The following TNKS variants were observed in gnomAD, a reference collection of about 807,000 sequenced individuals.
The protein encoded by TNKS is tankyrase, also known as poly [ADP-ribose] polymerase tankyrase-1.
In TNKS, 72 loss-of-function variants were observed where a neutral mutation model predicts 135.8. That is an observed-to-expected ratio of 0.53 (90% confidence interval 0.44 to 0.64). The LOEUF (loss-of-function observed/expected upper bound fraction) is 0.64, where lower values mean the gene tolerates loss of function less well. TNKS is among the 30% of genes least tolerant of loss of function. The pLI, the probability that TNKS is intolerant of heterozygous loss-of-function variation, is 0.00. For synonymous variants in TNKS, 849 were observed against 649.3 expected (o/e 1.31, Z -4.68); for missense variants, 1,769 against 1,674.0 (o/e 1.06, Z -0.99).
intron 3 of TNKS, among the ~76,000 whole-genome samples, chr8:9,618,402 A>G (rs1008674927): frequency 6.6e-6 from 1 of 152,230 alleles, no homozygotes. Flanking sequence ...ACACTTGGAT[A>G]TTTAAATGAG....
rs180817995 is a variant in TNKS at position 9,683,298 on chromosome 8, A to G, written c.1107+2498A>G. Among the ~76,000 whole-genome samples, 606 of 152,158 alleles carry G rather than the reference A, an allele frequency of 4.0e-3. 6 individuals are homozygous for G. The highest frequency in any genetic ancestry group is 0.014 in the African/African-American group (577 of 41,568). ...GAAAACAAATCTAGCTGCTAAAATT[A>G]CAAGTATCTGTCCTAGTAGATATGT... On this transcript the variant is annotated intron_variant, in intron 5 of 26. Transcript: ENST00000310430.
chr8:9,684,542 G>A (rs1357593599), intron 5 of TNKS, among the ~76,000 whole-genome samples: 1 of 152,038 alleles, frequency 6.6e-6, no homozygotes, highest in African/African-American at 2.4e-5. Context: ...ATAGGCAATA[G>A]GTAGGGGTTA....
intron 25 of TNKS, among the ~76,000 whole-genome samples, chr8:9,768,468 AG>A (rs1807599272): frequency 6.6e-6 from 1 of 152,218 alleles, no homozygotes; most frequent in East Asian, 1.9e-4. Flanking sequence ...ATTTGCCACC[AG>A]GGCTAATTGG....
At chr8:9,589,937 T>C (rs1798530297) in intron 2 of TNKS, among the ~76,000 whole-genome samples, 1 of 152,156 alleles carries the variant, frequency 6.6e-6, no homozygotes, top group African/African-American at 2.4e-5. Context: ...ACCCAACACG[T>C]CTCCTCTGTT....
At chr8:9,575,203 C>T in intron 1 of TNKS, 1 of 576,008 alleles carries the variant, frequency 1.7e-6, no homozygotes, top group African/African-American at 2.0e-5. Context: ...TCTCCTGCCT[C>T]AGCCTCCGGA....
chr8:9,598,525 A>G (rs1473501355), intron 2 of TNKS, among the ~76,000 whole-genome samples: 1 of 151,620 alleles, frequency 6.6e-6, no homozygotes, highest in Non-Finnish European at 1.5e-5. Context: ...GAGAAACTCC[A>G]TCTTTACTAA....
intron 2 of TNKS, among the ~76,000 whole-genome samples, chr8:9,611,356 C>G (rs1799456100): frequency 6.6e-6 from 1 of 152,114 alleles, no homozygotes; most frequent in East Asian, 1.9e-4. Flanking sequence ...TTCTTTCAAA[C>G]CTTACTTTGT....
intron 26 of TNKS, among the ~76,000 whole-genome samples, chr8:9,771,234 CGAGGAAAGGAGG>C (rs1807817914): frequency 3.2e-5 from 2 of 63,424 alleles, no homozygotes; most frequent in African/African-American, 1.3e-4. Flanking sequence ...AGGGAGAGAG[CGAGGAAAGGAGG>C]GAGGGAGGAA....
At chr8:9,692,809 T>G (rs946255095) in intron 5 of TNKS, among the ~76,000 whole-genome samples, 1 of 152,244 alleles carries the variant, frequency 6.6e-6, no homozygotes, top group Non-Finnish European at 1.5e-5. Context: ...GTTAAGTAAC[T>G]TCAATGAGAG....
At chr8:9,688,974 C>T (rs1257281914) in intron 5 of TNKS, among the ~76,000 whole-genome samples, 1 of 152,114 alleles carries the variant, frequency 6.6e-6, no homozygotes, top group East Asian at 1.9e-4. Context: ...CTTAGAAGGG[C>T]ACTAATCTTA....
chr8:9,598,557 A>G (rs930329235), intron 2 of TNKS, among the ~76,000 whole-genome samples: 25 of 151,002 alleles, frequency 1.7e-4, no homozygotes, highest in African/African-American at 6.1e-4. Flanking sequence ...TTAGCTGGGC[A>G]TGGTGGTGCA....
chr8:9,779,052 TAAGG>T lies in TNKS; in HGVS notation c.*2320_*2323del, dbSNP rs1808357285. ...CTGTGTGCCAGGTGAAGGTACTGTG[TAAGG>T]AAGACATTTGCGGTGCTTCTTGTCC... On this transcript the variant is annotated 3_prime_UTR_variant, in exon 27 of 27. Transcript: ENST00000310430. 1 of 152,426 alleles carries T rather than the reference TAAGG, an allele frequency of 6.6e-6. No individual in the cohort carries two copies. The highest frequency in any genetic ancestry group is 2.1e-4 in the South Asian group (1 of 4,832). 9.4% of individuals were successfully genotyped at this position (152,426 alleles called of 1,614,324 possible).
chr8:9,566,642 C>A (rs1262899909), intron 1 of TNKS: 7 of 141,350 alleles, frequency 5.0e-5, no homozygotes, highest in Non-Finnish European at 1.1e-4. Context: ...CGCTCTGTCG[C>A]CCAGGCCGGA....
At chr8:9,731,574 C>G (rs1328178830) in intron 14 of TNKS, among the ~76,000 whole-genome samples, 1 of 151,808 alleles carries the variant, frequency 6.6e-6, no homozygotes, top group Non-Finnish European at 1.5e-5. Context: ...CCTTATTCCT[C>G]CAGATATTGT....
At chr8:9,588,719 A>G (rs1316879075) in intron 2 of TNKS, among the ~76,000 whole-genome samples, 1 of 152,172 alleles carries the variant, frequency 6.6e-6, no homozygotes, top group Non-Finnish European at 1.5e-5. Context: ...TGGGCAGATT[A>G]TAAGGTCTGT....
At chr8:9,674,978 A>G (rs1802475089) in intron 3 of TNKS, among the ~76,000 whole-genome samples, 3 of 152,226 alleles carry the variant, frequency 2.0e-5, no homozygotes, top group Admixed American at 6.5e-5. Flanking sequence ...GAGAGCTGTG[A>G]TAACTTTGTA....
intron 3 of TNKS, among the ~76,000 whole-genome samples, chr8:9,659,269 C>T (rs749195777): frequency 6.6e-6 from 1 of 152,220 alleles, no homozygotes; most frequent in Non-Finnish European, 1.5e-5. Context: ...CACCCCAAAT[C>T]AACAGAATAT....
intron 3 of TNKS, among the ~76,000 whole-genome samples, chr8:9,648,287 A>T (rs1563140588): frequency 6.6e-6 from 1 of 151,936 alleles, no homozygotes; most frequent in Non-Finnish European, 1.5e-5. Context: ...TAAAAGTTTC[A>T]TTTTTTTTAA....
chr8:9,602,692 A>G (rs1335467207), intron 2 of TNKS, among the ~76,000 whole-genome samples: 5 of 152,240 alleles, frequency 3.3e-5, no homozygotes, highest in African/African-American at 7.2e-5. Context: ...TTCATTAGCA[A>G]TGTAATGCCA....
Sources: gnomAD v4.1 joint callset for allele counts (sites outside exome capture counted in the v4.1 genomes callset) on GRCh38, gnomAD v4.1.1 for gene constraint, MANE v1.5 for transcripts, NCBI Gene and HGNC (gene_info 2026-07-23, HGNC 2026-07-21) for gene names.